Variants in RMC1 observed in about 807,000 individuals in gnomAD.
RMC1 encodes the protein regulator of MON1-CCZ1.
Under a neutral mutation model 95.5 loss-of-function variants are expected in RMC1, and 44 were observed. That is an observed-to-expected ratio of 0.46 (90% CI 0.36 to 0.59). The LOEUF (loss-of-function observed/expected upper bound fraction) is 0.59, where lower values mean the gene tolerates loss of function less well. Among genes scored for constraint, RMC1 ranks in the 20% least tolerant of loss-of-function variants. The pLI is 0.00. For missense variants in RMC1, 705 were observed against 819.6 expected (o/e 0.86, Z 1.71); for synonymous variants, 320 against 303.6 (o/e 1.05, Z -0.56).
At position 23,516,442 on chromosome 18, in the gene RMC1, G is replaced by A; in HGVS notation, c.653+19G>A. The A allele has an allele frequency of 6.2e-7, 1 of 1,608,178 alleles. No individual in the cohort carries two copies. Among genetic ancestry groups the A allele is most frequent in the South Asian group, 1.1e-5 (1 of 90,970 alleles). On this transcript the variant is annotated intron_variant, in intron 7 of 19. Coordinates refer to ENST00000269221, the MANE Select transcript of RMC1 (RefSeq NM_013326.5). ...CTACCATGTATGTCCGTGTCAGAGA[G>A]AATTCCATCCTGTGATTGCTTTCAG...
chr18:23,512,697 G>T (rs1598856978), intron 5 of RMC1, among the ~76,000 whole-genome samples: 2 of 151,722 alleles, frequency 1.3e-5, no homozygotes, highest in Non-Finnish European at 2.9e-5. Flanking sequence ...CTCCCAGAGT[G>T]CTGGGATTTA....
In RMC1 at chr18:23,503,694, G is replaced by A. The variant is rs748913666; in HGVS notation, c.76G>A (p.Val26Ile). 1 of 1,593,128 alleles carries A rather than the reference G, an allele frequency of 6.3e-7. No individual in the cohort carries two copies. Among genetic ancestry groups the A allele is most frequent in the African/African-American group, 1.4e-5 (1 of 72,034 alleles). The change falls in exon 1 of 20, where the codon GTC becomes ATC. Residue 26 changes from valine to isoleucine, a missense_variant. Transcript: ENST00000269221. ...QFEKANPVNCVFFDEANKQVF... is the reference protein window; with the variant it reads ...QFEKANPVNCIFFDEANKQVF... ...CGAGAAGGCGAACCCTGTCAACTGC[G>A]TCTTCTTCGATGAGGCCAACAAGCA...
chr18:23,529,990 T>C, intron 16 of RMC1, 38 bp from the exon 17 acceptor site: 2 of 1,546,238 alleles, frequency 1.3e-6, no homozygotes, highest in Non-Finnish European at 1.8e-6. Flanking sequence ...AGCTGAATGA[T>C]TTGGAAGTGT....
rs1397777684 is a variant in RMC1 at position 23,518,988 on chromosome 18, C to T, written c.743+9C>T. On this transcript the variant is annotated intron_variant, in intron 8 of 19. Coordinates refer to ENST00000269221, the MANE Select transcript of RMC1 (RefSeq NM_013326.5). ...CTCTATCATCTACCACGGTAGATTTCATGCTTTGTTTTCCCTCTCTCTCTG... is the reference window on the plus strand; with the variant it reads ...CTCTATCATCTACCACGGTAGATTTTATGCTTTGTTTTCCCTCTCTCTCTG... 1 of 1,613,688 alleles carries T rather than the reference C, an allele frequency of 6.2e-7. No individual in the cohort carries two copies.
At chr18:23,516,727 C>CT (rs35162212) in intron 7 of RMC1, among the ~76,000 whole-genome samples, 24,579 of 73,734 alleles carry the variant, frequency 0.33, 2,266 homozygotes, top group Middle Eastern at 0.4. Context: ...ATTTCTTCTT[C>CT]TTTTTTTTTT....
chr18:23,523,541 C>T (rs1488039839), intron 10 of RMC1, among the ~76,000 whole-genome samples: 1 of 21,902 alleles, frequency 4.6e-5, no homozygotes, highest in Admixed American at 7.6e-4. Context: ...ACCTTGTCTT[C>T]ACAAAAAAAA....
chr18:23,531,131 C>CAGT (rs1368513564), intron 19 of RMC1, among the ~76,000 whole-genome samples: 2 of 152,048 alleles, frequency 1.3e-5, no homozygotes, highest in Admixed American at 1.3e-4. Flanking sequence ...GTTGGGACTA[C>CAGT]AGGTGCGTGC....
chr18:23,526,908 C>T, intron 13 of RMC1, 143 bp downstream of exon 13: 1 of 1,130,682 alleles, frequency 8.8e-7, no homozygotes, highest in Non-Finnish European at 1.2e-6. Flanking sequence ...GCTATGTGAC[C>T]CCCTAGGAAA....
intron 2 of RMC1, among the ~76,000 whole-genome samples, chr18:23,505,797 G>A (rs559002602): frequency 6.2e-4 from 95 of 152,314 alleles, no homozygotes; most frequent in Non-Finnish European, 1.2e-3. Context: ...TGTGGAAAAC[G>A]AGTGAGCCCG....
intron 5 of RMC1, among the ~76,000 whole-genome samples, chr18:23,512,904 C>T (rs2057900796): frequency 6.6e-6 from 1 of 152,110 alleles, no homozygotes; most frequent in African/African-American, 2.4e-5. Flanking sequence ...CTCCCCTTAT[C>T]CCTTCCCTGC....
chr18:23,513,258 T>C (rs2057911725), intron 5 of RMC1, among the ~76,000 whole-genome samples: 2 of 152,234 alleles, frequency 1.3e-5, no homozygotes, highest in African/African-American at 4.8e-5. Flanking sequence ...CCGGCCGAAT[T>C]TGATTACCTT....
intron 12 of RMC1, among the ~76,000 whole-genome samples, chr18:23,525,050 G>C (rs574675346): frequency 4.8e-4 from 71 of 146,866 alleles, no homozygotes; most frequent in Non-Finnish European, 8.8e-4. Flanking sequence ...GGGTTCAAGC[G>C]ATTCTCCTGC....
chr18:23,521,640 C>T (rs1428284969), intron 10 of RMC1, among the ~76,000 whole-genome samples: 1 of 151,434 alleles, frequency 6.6e-6, no homozygotes, highest in Non-Finnish European at 1.5e-5. Flanking sequence ...TGCCTTTTTC[C>T]AGTGTAATTG....
chr18:23,510,384 A>C (rs1351215179), intron 5 of RMC1, among the ~76,000 whole-genome samples: 1 of 151,916 alleles, frequency 6.6e-6, no homozygotes, highest in Non-Finnish European at 1.5e-5. Context: ...ACAGTGGCTC[A>C]CACCTGTAAT....
At chr18:23,526,987 A>G (rs375914293) in intron 13 of RMC1, among the ~76,000 whole-genome samples, 18 of 152,292 alleles carry the variant, frequency 1.2e-4, no homozygotes, top group African/African-American at 4.3e-4. Context: ...ATGGTTCTGA[A>G]TGAAAGTGGG....
chr18:23,503,609 G>A lies in RMC1; in HGVS notation c.-10G>A. On this transcript the variant is annotated 5_prime_UTR_variant, in exon 1 of 20. Transcript: ENST00000269221. ...CCCCCGGGGCCCCCGCCGCGGGCGC[G>A]GCGCCCGCCATGGGCGAGGAGGACT... is the stretch of plus-strand genomic sequence containing the variant. 7 of 1,542,844 alleles carry A rather than the reference G, an allele frequency of 4.5e-6. No individual in the cohort carries two copies. The highest frequency in any genetic ancestry group is 6.1e-6 in the Non-Finnish European group (7 of 1,145,208).
chr18:23,505,433 A>G (rs1425176518), intron 2 of RMC1, among the ~76,000 whole-genome samples: 1 of 152,192 alleles, frequency 6.6e-6, no homozygotes, highest in Non-Finnish European at 1.5e-5. Flanking sequence ...GTGTAACTGA[A>G]GGTTACATAG....
intron 5 of RMC1, among the ~76,000 whole-genome samples, chr18:23,513,765 C>G (rs1469058622): frequency 6.6e-6 from 1 of 152,100 alleles, no homozygotes; most frequent in Non-Finnish European, 1.5e-5. Flanking sequence ...GATTTGCGCT[C>G]TTTGTTGATT....
chr18:23,526,913 A>G (rs902370385), intron 13 of RMC1, 148 bp downstream of exon 13: 2 of 1,046,568 alleles, frequency 1.9e-6, no homozygotes, highest in Non-Finnish European at 2.7e-6. Context: ...GTGACCCCCT[A>G]GGAAAGGCTG....
Sources: allele counts gnomAD v4.1 joint callset (sites outside exome capture counted in the v4.1 genomes callset), GRCh38; gene constraint gnomAD v4.1.1; transcripts MANE v1.5; gene names NCBI Gene and HGNC (gene_info 2026-07-23, HGNC 2026-07-21).